SSBP2: variants seen among roughly 807,000 people sequenced by gnomAD.
The protein encoded by SSBP2 is single-stranded DNA-binding protein 2.
In SSBP2, 17 loss-of-function variants were observed where a neutral mutation model predicts 61.8. The ratio of observed to expected loss-of-function variants is 0.28; its 90% CI spans 0.19 to 0.41. SSBP2 has a LOEUF of 0.41. Among genes scored for constraint, SSBP2 ranks in the 10% least tolerant of loss-of-function variants. The pLI, the probability that SSBP2 is intolerant of heterozygous loss-of-function variation, is 1.00. For synonymous variants in SSBP2, 139 were observed against 141.3 expected (o/e 0.98, Z 0.12); for missense variants, 310 against 458.7 (o/e 0.68, Z 2.96).
At chr5:81,557,724 T>C (rs6895882) in intron 4 of SSBP2, among the ~76,000 whole-genome samples, 71,035 of 152,110 alleles carry the variant, frequency 0.47, 21,168 homozygotes, top group African/African-American at 0.86. Flanking sequence ...CTAACATGTT[T>C]CATTATCCTC....
At chr5:81,454,407 G>A (rs147007643) in intron 10 of SSBP2, among the ~76,000 whole-genome samples, 359 of 152,286 alleles carry the variant, frequency 2.4e-3, no homozygotes, top group African/African-American at 6.4e-3. Context: ...AGGGACAGGC[G>A]TGGTGGCTCA....
chr5:81,473,347 G>A (rs1765375187), intron 8 of SSBP2, among the ~76,000 whole-genome samples: 1 of 152,120 alleles, frequency 6.6e-6, no homozygotes, highest in Admixed American at 6.6e-5. Flanking sequence ...CTATTAACCT[G>A]TCATCTAGGT....
At chr5:81,729,968 T>G (rs533301909) in intron 1 of SSBP2, among the ~76,000 whole-genome samples, 1 of 152,118 alleles carries the variant, frequency 6.6e-6, no homozygotes, top group Non-Finnish European at 1.5e-5. Context: ...TTCTAAAGGA[T>G]TGACCCTTAA....
At chr5:81,670,591 T>G (rs1751514964) in intron 1 of SSBP2, among the ~76,000 whole-genome samples, 1 of 152,204 alleles carries the variant, frequency 6.6e-6, no homozygotes, top group Non-Finnish European at 1.5e-5. Context: ...TTATATCCCG[T>G]GAAAATACTT....
intron 4 of SSBP2, among the ~76,000 whole-genome samples, chr5:81,536,782 G>A (rs1008156639): frequency 6.6e-6 from 1 of 152,084 alleles, no homozygotes; most frequent in Non-Finnish European, 1.5e-5. Flanking sequence ...TGTACTTTGG[G>A]AGGCCAAGGA....
chr5:81,709,650 A>G (rs1754635741), intron 1 of SSBP2, among the ~76,000 whole-genome samples: 1 of 151,970 alleles, frequency 6.6e-6, no homozygotes, highest in African/African-American at 2.4e-5. Context: ...TCATATATAT[A>G]GAAAGGAAAA....
At chr5:81,632,357 T>C (rs891082666) in intron 3 of SSBP2, among the ~76,000 whole-genome samples, 3 of 152,206 alleles carry the variant, frequency 2.0e-5, no homozygotes, top group Non-Finnish European at 2.9e-5. Flanking sequence ...AAATTCCTCA[T>C]GCATTTAGAC....
At chr5:81,667,286 TACACACACACACACACACACACAC>T (rs71605804) in intron 1 of SSBP2, among the ~76,000 whole-genome samples, 12 of 133,732 alleles carry the variant, frequency 9.0e-5, no homozygotes, top group Admixed American at 1.5e-4. Flanking sequence ...GGGATACAGA[TACACACACACACACACACACACAC>T]ACACACACAC....
chr5:81,513,621 T>A lies in SSBP2; in HGVS notation c.372+7A>T, dbSNP rs1768786885. On this transcript the variant is annotated splice_region_variant and intron_variant, in intron 5 of 16. Coordinates refer to ENST00000320672, the MANE Select transcript of SSBP2 (RefSeq NM_012446.5). ...TTAACATTCCTAGTCAGAGTTTCTC[T>A]GAGTACCTGAAAGAACCCTGGTGGT... The A allele has an allele frequency of 6.3e-7, 1 of 1,581,248 alleles. No individual in the cohort carries two copies. The highest frequency in any genetic ancestry group is 8.7e-7 in the Non-Finnish European group (1 of 1,151,636).
chr5:81,491,676 C>A (rs935116994), intron 5 of SSBP2, among the ~76,000 whole-genome samples: 1 of 151,880 alleles, frequency 6.6e-6, no homozygotes, highest in African/African-American at 2.4e-5. Context: ...TCTTATATGT[C>A]CTCCTTTAAG....
intron 1 of SSBP2, among the ~76,000 whole-genome samples, chr5:81,652,433 A>T (rs1581255740): frequency 6.6e-6 from 1 of 152,136 alleles, no homozygotes; most frequent in South Asian, 2.1e-4. Context: ...ATTGGAAGGA[A>T]CTGAGAATAA....
At chr5:81,625,758 A>G (rs746507854) in intron 3 of SSBP2, among the ~76,000 whole-genome samples, 1 of 152,230 alleles carries the variant, frequency 6.6e-6, no homozygotes, top group Non-Finnish European at 1.5e-5. Context: ...AAGGGAACAC[A>G]GAAAGCAAAA....
At chr5:81,585,943 G>A (rs558575472) in intron 4 of SSBP2, among the ~76,000 whole-genome samples, 5 of 152,042 alleles carry the variant, frequency 3.3e-5, no homozygotes, top group African/African-American at 9.6e-5. Flanking sequence ...ACATCCTCCC[G>A]GTTCATCCAC....
intron 1 of SSBP2, among the ~76,000 whole-genome samples, chr5:81,712,282 T>A (rs916899357): frequency 2.0e-5 from 3 of 151,882 alleles, no homozygotes; most frequent in Non-Finnish European, 4.4e-5. Context: ...TCCAGCCACA[T>A]AACAGTTAAG....
In SSBP2 at chr5:81,474,486, G is replaced by T. The variant is rs753031246; in HGVS notation, c.499+10C>A. ...GCACATCAATTTTCCTTTTACTTTA[G>T]AGTAGTCACCTTGTTGTCGAGTTGG... On this transcript the variant is annotated intron_variant, in intron 7 of 16. Transcript: ENST00000320672. 3.1e-6 allele frequency: 5 copies of T among 1,611,186 alleles called. No homozygotes were observed. The highest frequency in any genetic ancestry group is 4.2e-6 in the Non-Finnish European group (5 of 1,178,166).
chr5:81,607,197 T>G (rs944038698), intron 4 of SSBP2, among the ~76,000 whole-genome samples: 3 of 152,130 alleles, frequency 2.0e-5, no homozygotes, highest in Non-Finnish European at 4.4e-5. Flanking sequence ...ATCTTAGGAA[T>G]GGCAAAAATA....
chr5:81,595,823 G>A (rs1743680709), intron 4 of SSBP2, among the ~76,000 whole-genome samples: 1 of 152,126 alleles, frequency 6.6e-6, no homozygotes, highest in South Asian at 2.1e-4. Flanking sequence ...AATAAATTAG[G>A]TATTGATGGG....
At chr5:81,710,760 A>G in intron 1 of SSBP2, 1 of 440,116 alleles carries the variant, frequency 2.3e-6, no homozygotes, top group Admixed American at 2.5e-5. Flanking sequence ...AATAAGGCAC[A>G]GATGAATTCT....
In SSBP2 at chr5:81,416,502, G is replaced by A. The variant is rs949976620; in HGVS notation, c.*4002C>T. 1.3e-5 allele frequency: 2 copies of A among 152,248 alleles called. No individual in the cohort carries two copies. Among genetic ancestry groups the A allele is most frequent in the Non-Finnish European group, 2.9e-5 (2 of 68,104 alleles). 9.4% of individuals were successfully genotyped at this position (152,248 alleles called of 1,614,324 possible). ...GGGAGGGAGGCAAGGATAAAGCCAC[G>A]GAAGAAGTAATCAAGACTTCATAGT... On this transcript the variant is annotated 3_prime_UTR_variant, in exon 17 of 17. Coordinates refer to ENST00000320672, the MANE Select transcript of SSBP2 (RefSeq NM_012446.5).
Sources: allele counts gnomAD v4.1 joint callset (sites outside exome capture counted in the v4.1 genomes callset), GRCh38; gene constraint gnomAD v4.1.1; transcripts MANE v1.5; gene names NCBI Gene and HGNC (gene_info 2026-07-23, HGNC 2026-07-21).